Variants in CSMD1 observed in about 807,000 individuals in gnomAD.
The protein encoded by CSMD1 is CUB and Sushi multiple domains 1.
In CSMD1, 213 loss-of-function variants were observed where a neutral mutation model predicts 417.5. That is an observed-to-expected ratio of 0.51 (90% CI 0.46 to 0.57). The LOEUF (loss-of-function observed/expected upper bound fraction) is 0.57, where lower values mean the gene tolerates loss of function less well. CSMD1 is among the 20% of genes least tolerant of loss of function. The pLI is 0.00. For missense variants in CSMD1, 6,923 were observed against 4,529.7 expected, an observed-to-expected ratio of 1.53 and a Z score of -15.17; for synonymous variants, 2,862 against 1,736.8, an observed-to-expected ratio of 1.65 and a Z score of -16.11.
At chr8:4,054,349 C>G (rs966415744) in intron 3 of CSMD1, among the ~76,000 whole-genome samples, 1 of 152,112 alleles carries the variant, frequency 6.6e-6, no homozygotes, top group Non-Finnish European at 1.5e-5. Flanking sequence ...GTGGTTTGAT[C>G]TATCTCTGTT....
intron 8 of CSMD1, among the ~76,000 whole-genome samples, chr8:3,596,970 G>C (rs1376255982): frequency 6.6e-6 from 1 of 152,084 alleles, no homozygotes; most frequent in African/African-American, 2.4e-5. Context: ...GCCTTGTTTG[G>C]TGCAATGGCT....
At chr8:4,315,614 C>T (rs1186517539) in intron 3 of CSMD1, among the ~76,000 whole-genome samples, 1 of 152,072 alleles carries the variant, frequency 6.6e-6, no homozygotes, top group East Asian at 1.9e-4. Context: ...ATAAAGTAAA[C>T]TTGGTTTCCA....
chr8:3,269,323 C>T (rs554830006), intron 26 of CSMD1, among the ~76,000 whole-genome samples: 11 of 152,304 alleles, frequency 7.2e-5, no homozygotes, highest in East Asian at 5.8e-4. Flanking sequence ...CAGAGGGGAG[C>T]GATGGCTCCA....
Position 3,321,062 on chromosome 8 carries a change from A to G in CSMD1, c.3632-12559T>C, listed in dbSNP as rs575510603. Among the ~76,000 whole-genome samples the G allele has an allele frequency of 1.1e-3, 172 of 152,140 alleles. 2 individuals carry two copies. The South Asian group carries it at 0.028, about 25-fold the overall frequency. On this transcript the variant is annotated intron_variant, in intron 23 of 69. Coordinates refer to ENST00000635120, the MANE Select transcript of CSMD1 (RefSeq NM_033225.6). The stretch of plus-strand genomic sequence containing the variant: ...TCATCTGAAAGACACGCAACTCTCA[A>G]TCTCTTCCACCTTTGCCTCCCTTCT...
rs183569247 is a variant in CSMD1 at position 4,491,848 on chromosome 8, A to T, written c.303-71783T>A. The stretch of plus-strand genomic sequence containing the variant: ...AAGCTAAACACAGTCTTACTGTACG[A>T]TCCAGCAACTGTCCTCTTTGGTCTT... On this transcript the variant is annotated intron_variant, in intron 2 of 69. Transcript: ENST00000635120. 5.6e-4 allele frequency among the ~76,000 whole-genome samples: 86 copies of T among 152,292 alleles called. 1 individual carries two copies. In the Middle Eastern group the frequency reaches 0.027, roughly 48 times the overall value.
intron 1 of CSMD1, among the ~76,000 whole-genome samples, chr8:4,801,539 A>C (rs1053407158): frequency 1.3e-5 from 2 of 152,146 alleles, no homozygotes; most frequent in African/African-American, 4.8e-5. Context: ...CTAAATTAGA[A>C]ACAAATCTTT....
chr8:3,693,400 G>C (rs1800361082), intron 7 of CSMD1, among the ~76,000 whole-genome samples: 2 of 152,244 alleles, frequency 1.3e-5, no homozygotes, highest in South Asian at 2.1e-4. Flanking sequence ...CTTTTGTTAA[G>C]AGTGTGGGAT....
At chr8:4,981,113 C>T (rs574263555) in intron 1 of CSMD1, among the ~76,000 whole-genome samples, 74 of 152,124 alleles carry the variant, frequency 4.9e-4, no homozygotes, top group Non-Finnish European at 7.9e-4. Context: ...GTACAAGTAG[C>T]CTGCCTTTTC....
intron 48 of CSMD1, among the ~76,000 whole-genome samples, chr8:3,090,071 T>C (rs563168839): frequency 6.6e-6 from 1 of 151,330 alleles, no homozygotes; most frequent in African/African-American, 2.4e-5. Flanking sequence ...TCCCAGCACT[T>C]TGGGAGGCCG....
Position 3,316,809 on chromosome 8 carries a change from C to T in CSMD1, c.3632-8306G>A, listed in dbSNP as rs529564619. Among the ~76,000 whole-genome samples the T allele has an allele frequency of 5.9e-5, 9 of 152,048 alleles. No homozygotes were observed. The South Asian group carries it at 6.2e-4, about 11-fold the overall frequency. Reference sequence around the variant, plus strand: ...TCAGCGTGCAGTGGGGGGAAGGCAACGGAGAAGACTGCACAGGAAACTGAC... The same window carrying T: ...TCAGCGTGCAGTGGGGGGAAGGCAATGGAGAAGACTGCACAGGAAACTGAC... On this transcript the variant is annotated intron_variant, in intron 23 of 69. Coordinates refer to ENST00000635120, the MANE Select transcript of CSMD1 (RefSeq NM_033225.6).
chr8:4,228,262 C>A (rs537675089), intron 3 of CSMD1, among the ~76,000 whole-genome samples: 1 of 152,298 alleles, frequency 6.6e-6, no homozygotes, highest in African/African-American at 2.4e-5. Context: ...TCATCCTTTC[C>A]AGTCACAGGC....
chr8:4,081,426 C>A lies in CSMD1; in HGVS notation c.416-49327G>T, dbSNP rs544872356. Among the ~76,000 whole-genome samples, 29 of 152,104 alleles carry A rather than the reference C, an allele frequency of 1.9e-4. No homozygotes were observed. In the South Asian group the frequency reaches 5.4e-3, roughly 28 times the overall value. The stretch of plus-strand genomic sequence containing the variant: ...GGCTTTGCAGCTTCCTCCTTTTTGC[C>A]TTGGATCACACCTTCTGGGGACTCC... On this transcript the variant is annotated intron_variant, in intron 3 of 69. Coordinates refer to ENST00000635120, the MANE Select transcript of CSMD1 (RefSeq NM_033225.6).
intron 11 of CSMD1, among the ~76,000 whole-genome samples, chr8:3,492,203 T>C (rs900422804): frequency 5.3e-5 from 8 of 152,148 alleles, no homozygotes; most frequent in African/African-American, 9.7e-5. Context: ...TTATTCTCCA[T>C]TGCTTCAGTG....
chr8:4,578,544 C>G (rs931814687), intron 2 of CSMD1, among the ~76,000 whole-genome samples: 1 of 151,132 alleles, frequency 6.6e-6, no homozygotes, highest in Non-Finnish European at 1.5e-5. Context: ...TGGCTGGGTG[C>G]AATGCTTCAT....
At chr8:4,337,891 A>C (rs1178953514) in intron 3 of CSMD1, among the ~76,000 whole-genome samples, 1 of 152,154 alleles carries the variant, frequency 6.6e-6, no homozygotes, top group South Asian at 2.1e-4. Flanking sequence ...CTTCAGCTTA[A>C]GACAAAATGA....
intron 7 of CSMD1, among the ~76,000 whole-genome samples, chr8:3,659,504 C>A (rs1043238147): frequency 6.6e-6 from 1 of 152,142 alleles, no homozygotes; most frequent in Non-Finnish European, 1.5e-5. Flanking sequence ...CAAGGTCAAA[C>A]TGTTATTCTC....
At chr8:3,036,726 A>G (rs1027125758) in intron 50 of CSMD1, among the ~76,000 whole-genome samples, 1 of 152,182 alleles carries the variant, frequency 6.6e-6, no homozygotes, top group Non-Finnish European at 1.5e-5. Flanking sequence ...GACCTTTTAA[A>G]TGTGTTTCAT....
At chr8:3,841,791 C>T (rs574537534) in intron 5 of CSMD1, among the ~76,000 whole-genome samples, 6 of 152,108 alleles carry the variant, frequency 3.9e-5, no homozygotes, top group South Asian at 2.1e-4. Flanking sequence ...TTAGTAAATA[C>T]GTGCAAATCA....
chr8:3,809,145 C>T (rs1323120746), intron 5 of CSMD1, among the ~76,000 whole-genome samples: 2 of 152,134 alleles, frequency 1.3e-5, no homozygotes, highest in Non-Finnish European at 2.9e-5. Context: ...CTTCCTCTTT[C>T]CCCTTCCAGC....
Sources: allele counts gnomAD v4.1 joint callset (sites outside exome capture counted in the v4.1 genomes callset), GRCh38; gene constraint gnomAD v4.1.1; transcripts MANE v1.5; gene names NCBI Gene and HGNC (gene_info 2026-07-23, HGNC 2026-07-21).